The following SCOC variants were observed in gnomAD, a reference collection of about 807,000 sequenced individuals.
SCOC encodes short coiled coil protein.
Under a neutral mutation model 9.9 loss-of-function variants are expected in SCOC, and 7 were observed. The observed-to-expected ratio is 0.71, with a 90% CI of 0.40 to 1.33. The LOEUF (loss-of-function observed/expected upper bound fraction) is 1.33, where lower values mean the gene tolerates loss of function less well. SCOC is among the 40% of genes most tolerant of loss of function. SCOC has a pLI of 0.01. For missense variants in SCOC, 66 were observed against 89.7 expected (o/e 0.74, Z 1.07); for synonymous variants, 19 against 28.2 (o/e 0.67, Z 1.03).
intron 2 of SCOC, among the ~76,000 whole-genome samples, chr4:140,356,590 T>C (rs1727239952): frequency 6.6e-6 from 1 of 152,220 alleles, no homozygotes; most frequent in African/African-American, 2.4e-5. Flanking sequence ...TTGTGTAAAA[T>C]GGTTCTCAGT....
upstream of SCOC, among the ~76,000 whole-genome samples, chr4:140,370,690 C>A (rs151064590): frequency 7.0e-3 from 1,068 of 152,226 alleles, 8 homozygotes; most frequent in African/African-American, 0.022. Context: ...TTTTGTAGCA[C>A]TGTGGTTAGG....
chr4:140,370,259 ATT>A (rs1727994506), upstream of SCOC, among the ~76,000 whole-genome samples: 1 of 152,050 alleles, frequency 6.6e-6, no homozygotes, highest in African/African-American at 2.4e-5. Context: ...ATTTGCTGAG[ATT>A]TGTTTGATGA....
At chr4:140,336,653 C>A (rs189201655) in intron 1 of SCOC, among the ~76,000 whole-genome samples, 2 of 152,208 alleles carry the variant, frequency 1.3e-5, no homozygotes, top group Non-Finnish European at 2.9e-5. Context: ...GTTTTTTCTA[C>A]CTTTTGGCTA....
At chr4:140,332,519 C>T (rs1349417030) in intron 1 of SCOC, among the ~76,000 whole-genome samples, 1 of 152,006 alleles carries the variant, frequency 6.6e-6, no homozygotes, top group Non-Finnish European at 1.5e-5. Flanking sequence ...GCTGAGACTA[C>T]AGGCATGTGC....
rs545444153 is a variant in SCOC, at chr4:140,277,316, G to T, written c.-19+19906G>T. On this transcript the variant is annotated intron_variant, in intron 1 of 4. Coordinates refer to the SCOC transcript ENST00000394205. ...ACCCCCCTCCCCACTGTATGAGTTG[G>T]GGGGGGCAGGGGGTAGGGGAGCTGT... Among the ~76,000 whole-genome samples, 28 of 152,142 alleles carry T rather than the reference G, an allele frequency of 1.8e-4. 2 individuals are homozygous for T. The South Asian group carries it at 4.6e-3, about 25-fold the overall frequency.
At chr4:140,331,231 C>T (rs1203817442) in intron 1 of SCOC, among the ~76,000 whole-genome samples, 1 of 152,186 alleles carries the variant, frequency 6.6e-6, no homozygotes, top group African/African-American at 2.4e-5. Flanking sequence ...TTCTGCCAAT[C>T]AGAATGTTGA....
Position 140,384,565 on chromosome 4 carries a change from C to T in SCOC, c.*3461C>T, listed in dbSNP as rs1056238105. 6.6e-6 allele frequency: 1 copy of T among 152,248 alleles called. No individual in the cohort carries two copies. The highest frequency in any genetic ancestry group is 2.4e-5 in the African/African-American group (1 of 41,468). 9.4% of individuals were successfully genotyped at this position (152,248 alleles called of 1,614,324 possible). A position where few individuals can be genotyped will look rare whatever the true frequency, so the allele number is the denominator to read the frequency against. Reference sequence around the variant, plus strand: ...TTAGTAGTTTTCCATCCACTGACCTCATCACTGCTCATTGACTATAAATCC... The same window carrying T: ...TTAGTAGTTTTCCATCCACTGACCTTATCACTGCTCATTGACTATAAATCC... On this transcript the variant is annotated 3_prime_UTR_variant, in exon 4 of 4. Coordinates refer to ENST00000608372, the MANE Select transcript of SCOC (RefSeq NM_001153484.2).
At chr4:140,329,251 C>T (rs1464952694) in intron 1 of SCOC, among the ~76,000 whole-genome samples, 1 of 152,044 alleles carries the variant, frequency 6.6e-6, no homozygotes, top group Admixed American at 6.6e-5. Context: ...GGCCACATGT[C>T]GGAGAATGAA....
intron 1 of SCOC, among the ~76,000 whole-genome samples, chr4:140,375,131 A>C (rs1489026426): frequency 6.6e-6 from 1 of 152,220 alleles, no homozygotes; most frequent in Non-Finnish European, 1.5e-5. Context: ...CATTTGTTGT[A>C]GTCTTGGCCC....
intron 1 of SCOC, among the ~76,000 whole-genome samples, chr4:140,304,394 G>A (rs2126457396): frequency 6.6e-6 from 1 of 152,142 alleles, no homozygotes; most frequent in Non-Finnish European, 1.5e-5. Context: ...TAGATATCCT[G>A]GTAGGACTTT....
intron 2 of SCOC, among the ~76,000 whole-genome samples, chr4:140,357,754 C>T (rs980855332): frequency 8.5e-5 from 13 of 152,192 alleles, no homozygotes; most frequent in African/African-American, 3.1e-4. Context: ...TCAGAGCTGC[C>T]TTTGCCATCT....
intron 1 of SCOC, among the ~76,000 whole-genome samples, chr4:140,297,271 G>C (rs995943416): frequency 0.11 from 789 of 7,126 alleles, 9 homozygotes; most frequent in African/African-American, 0.38. Context: ...GGTGACTGTG[G>C]GGGGGGGGGC....
At chr4:140,277,835 A>G (rs1304291397) in intron 1 of SCOC, among the ~76,000 whole-genome samples, 1 of 152,182 alleles carries the variant, frequency 6.6e-6, no homozygotes, top group African/African-American at 2.4e-5. Context: ...ATTATCCTGG[A>G]TGTAACTTAT....
At chr4:140,369,433 A>T (rs1727945457), upstream of SCOC, 1 of 302,044 alleles carries the variant, frequency 3.3e-6, no homozygotes, top group Admixed American at 4.5e-5. Flanking sequence ...CAAATTAATG[A>T]GCTTAAAGCA....
At chr4:140,352,622 T>C (rs1239267140) in intron 2 of SCOC, among the ~76,000 whole-genome samples, 1 of 152,210 alleles carries the variant, frequency 6.6e-6, no homozygotes, top group South Asian at 2.1e-4. Context: ...TGATCTAGCA[T>C]AAAGCAAAAA....
chr4:140,360,174 G>A (rs572750810), intron 2 of SCOC, among the ~76,000 whole-genome samples: 1 of 152,290 alleles, frequency 6.6e-6, no homozygotes, highest in East Asian at 1.9e-4. Flanking sequence ...CATTCCACAA[G>A]TAGAGAATGT....
upstream of SCOC, chr4:140,343,412 G>C: frequency 2.2e-6 from 1 of 451,936 alleles, no homozygotes; most frequent in Non-Finnish European, 4.0e-6. Flanking sequence ...TCCGGTCAAG[G>C]GTTGTAAGTC....
At chr4:140,281,710 G>T (rs901336485) in intron 1 of SCOC, among the ~76,000 whole-genome samples, 1 of 152,204 alleles carries the variant, frequency 6.6e-6, no homozygotes, top group African/African-American at 2.4e-5. Context: ...GGGGAGTGTG[G>T]CGTTTCACTT....
In SCOC at chr4:140,362,273, C is replaced by CTGTTT; in HGVS notation, c.71-16848_71-16847insTGTTT. Reference sequence around the variant, plus strand: ...AAAGACCGGCTAAAGACAGGTGTGTCCTTACTTCTTCTTCTTCTTCTTCTT... The same window carrying CTGTTT: ...AAAGACCGGCTAAAGACAGGTGTGTCTGTTTCTTACTTCTTCTTCTTCTTCTTCTT... On this transcript the variant is annotated intron_variant, in intron 2 of 4. Coordinates refer to the SCOC transcript ENST00000338517. 6.9e-5 allele frequency among the ~76,000 whole-genome samples: 2 copies of CTGTTT among 29,074 alleles called. 1 individual carries two copies. Among genetic ancestry groups the CTGTTT allele is most frequent in the East Asian group, 2.0e-3 (2 of 1,004 alleles). The allele number at this position is 29,074 out of a possible 152,430, so 19.1% of individuals were successfully genotyped here.
Sources: gnomAD v4.1 joint callset for allele counts (sites outside exome capture counted in the v4.1 genomes callset) on GRCh38, gnomAD v4.1.1 for gene constraint, MANE v1.5 for transcripts, NCBI Gene and HGNC (gene_info 2026-07-23, HGNC 2026-07-21) for gene names.